Variants in MAP3K20 observed in about 807,000 individuals in gnomAD.
MAP3K20 encodes the protein HCCS-4.
A neutral mutation model predicts 85.7 loss-of-function variants in MAP3K20; 40 were observed. The observed-to-expected ratio is 0.47, with a 90% CI of 0.36 to 0.61. The LOEUF (loss-of-function observed/expected upper bound fraction) is 0.61, where lower values mean the gene tolerates loss of function less well. MAP3K20 is among the 20% of genes least tolerant of loss of function. The probability of loss-of-function intolerance (pLI) is 0.00; values close to 1 mark genes in which losing one functional copy is unlikely to be tolerated. For missense variants in MAP3K20, 817 were observed against 961.7 expected, an observed-to-expected ratio of 0.85 and a Z score of 1.99; for synonymous variants, 325 against 327.7, an observed-to-expected ratio of 0.99 and a Z score of 0.09.
chr2:173,214,323 C>T (rs1432367670), intron 10 of MAP3K20: 1 of 152,136 alleles, frequency 6.6e-6, no homozygotes, highest in African/African-American at 2.4e-5. Context: ...AATGTGTCAT[C>T]CTGTTGGTCC....
chr2:173,236,167 T>G (rs1684642333), intron 14 of MAP3K20, among the ~76,000 whole-genome samples: 1 of 145,198 alleles, frequency 6.9e-6, no homozygotes. Context: ...ACCTGGGAGG[T>G]TGAGGTGGGA....
intron 18 of MAP3K20, among the ~76,000 whole-genome samples, chr2:173,262,239 G>A (rs1436025750): frequency 6.6e-6 from 1 of 152,078 alleles, no homozygotes; most frequent in African/African-American, 2.4e-5. Context: ...ACCTCAAAGA[G>A]GACTCTGTGA....
chr2:173,186,608 T>G (rs1213412143), intron 4 of MAP3K20, among the ~76,000 whole-genome samples: 1 of 152,164 alleles, frequency 6.6e-6, no homozygotes, highest in Admixed American at 6.5e-5. Flanking sequence ...CTAAGCCTCT[T>G]ATTAAATTAT....
intron 2 of MAP3K20, among the ~76,000 whole-genome samples, chr2:173,142,629 CAAA>C (rs908826994): frequency 1.3e-5 from 2 of 150,670 alleles, no homozygotes; most frequent in South Asian, 4.2e-4. Flanking sequence ...CCTACCCCCA[CAAA>C]AAAACAAAAC....
chr2:173,114,745 T>C (rs978442173), intron 2 of MAP3K20, among the ~76,000 whole-genome samples: 1 of 152,216 alleles, frequency 6.6e-6, no homozygotes, highest in African/African-American at 2.4e-5. Context: ...TCTCTTCTTC[T>C]AGCTTGTAGG....
chr2:173,222,526 T>A, intron 11 of MAP3K20: 1 of 985,818 alleles, frequency 1.0e-6, no homozygotes, highest in Non-Finnish European at 1.2e-6. Flanking sequence ...CTTAAGGGGA[T>A]GCTTCCAGGG....
In MAP3K20 at chr2:173,230,084, A is replaced by G. The variant is rs376775675; in HGVS notation, c.1032+351A>G. ...TGACCTCAAGTGACGTGCCCGCCTC[A>G]GCCTCCCAAAGTGCTGGGATTATAG... is the stretch of plus-strand genomic sequence containing the variant. On this transcript the variant is annotated intron_variant, in intron 12 of 19. Coordinates refer to ENST00000375213, the MANE Select transcript of MAP3K20 (RefSeq NM_016653.3). Among the ~76,000 whole-genome samples, 312 of 152,288 alleles carry G rather than the reference A, an allele frequency of 2.0e-3. 6 individuals are homozygous for G. In the South Asian group the frequency reaches 0.055, roughly 27 times the overall value.
At chr2:173,250,570 C>T (rs1685019326) in intron 16 of MAP3K20, among the ~76,000 whole-genome samples, 2 of 152,148 alleles carry the variant, frequency 1.3e-5, no homozygotes, top group Non-Finnish European at 2.9e-5. Context: ...TGCCTGCGTT[C>T]GCATGGACAC....
chr2:173,251,111 T>C (rs1685032916), intron 16 of MAP3K20, among the ~76,000 whole-genome samples: 1 of 152,184 alleles, frequency 6.6e-6, no homozygotes, highest in African/African-American at 2.4e-5. Flanking sequence ...AATACCAGCA[T>C]GAACAAAATT....
intron 2 of MAP3K20, among the ~76,000 whole-genome samples, chr2:173,149,006 C>T (rs1253875291): frequency 6.6e-6 from 1 of 152,202 alleles, no homozygotes; most frequent in Non-Finnish European, 1.5e-5. Context: ...AAAATAAAAT[C>T]TGTGGTCATA....
intron 2 of MAP3K20, among the ~76,000 whole-genome samples, chr2:173,167,817 C>T (rs7599340): frequency 0.67 from 101,989 of 151,984 alleles, 35,191 homozygotes; most frequent in Non-Finnish European, 0.76. Context: ...CATCCAAGGA[C>T]TCAGAATATA....
intron 16 of MAP3K20, among the ~76,000 whole-genome samples, chr2:173,250,903 G>C (rs1685027901): frequency 6.6e-6 from 1 of 152,072 alleles, no homozygotes; most frequent in Admixed American, 6.5e-5. Flanking sequence ...AACCATACTT[G>C]TATTATCTTT....
At chr2:173,139,697 T>TA (rs1688911267) in intron 2 of MAP3K20, among the ~76,000 whole-genome samples, 1 of 152,134 alleles carries the variant, frequency 6.6e-6, no homozygotes, top group South Asian at 2.1e-4. Flanking sequence ...CTTCCAAAAA[T>TA]AAAAAATGAC....
chr2:173,140,097 C>T (rs1225232514), intron 2 of MAP3K20, among the ~76,000 whole-genome samples: 3 of 151,640 alleles, frequency 2.0e-5, no homozygotes, highest in East Asian at 3.9e-4. Flanking sequence ...CTGCAACCTC[C>T]GCCTCCCGGG....
At chr2:173,233,584 G>A (rs1439303479) in intron 14 of MAP3K20, among the ~76,000 whole-genome samples, 1 of 152,162 alleles carries the variant, frequency 6.6e-6, no homozygotes, top group Non-Finnish European at 1.5e-5. Flanking sequence ...CCATTCCAGT[G>A]TGGGTAGATG....
chr2:173,265,887 T>C (rs1458005227), intron 19 of MAP3K20, among the ~76,000 whole-genome samples, 163 bp from the exon 20 acceptor site: 1 of 152,212 alleles, frequency 6.6e-6, no homozygotes, highest in Non-Finnish European at 1.5e-5. Flanking sequence ...TTTTTTAAAG[T>C]ATTTGTAATA....
Position 173,229,923 on chromosome 2 carries a change from T to C in MAP3K20, c.1032+190T>C, listed in dbSNP as rs28520717. On this transcript the variant is annotated intron_variant, in intron 12 of 19. Coordinates refer to ENST00000375213, the MANE Select transcript of MAP3K20 (RefSeq NM_016653.3). ...TCAGCTCACTGCAACCTCCACCTCC[T>C]GAGGTTCAAGCGATTCTCCTGCCTC... Among the ~76,000 whole-genome samples, 43,023 of 151,998 alleles carry C rather than the reference T, an allele frequency of 0.28. 6,712 individuals are homozygous for C. Among genetic ancestry groups the C allele is most frequent in the African/African-American group, 0.41 (16,894 of 41,430 alleles).
chr2:173,185,675 A>G (rs568941433), intron 4 of MAP3K20, among the ~76,000 whole-genome samples: 8 of 152,384 alleles, frequency 5.2e-5, no homozygotes, highest in Admixed American at 3.3e-4. Flanking sequence ...TAAAATAGGC[A>G]TTGCTCAGCA....
intron 17 of MAP3K20, among the ~76,000 whole-genome samples, chr2:173,260,854 A>T (rs1330589760): frequency 6.6e-6 from 1 of 152,266 alleles, no homozygotes; most frequent in Non-Finnish European, 1.5e-5. Flanking sequence ...AGCTGTTTAC[A>T]AATATACAAA....
Sources: gnomAD v4.1 joint callset for allele counts (sites outside exome capture counted in the v4.1 genomes callset) on GRCh38, gnomAD v4.1.1 for gene constraint, MANE v1.5 for transcripts, NCBI Gene and HGNC (gene_info 2026-07-23, HGNC 2026-07-21) for gene names.